Variants in CACNB4 observed in about 807,000 individuals in gnomAD.
CACNB4 encodes calcium voltage-gated channel auxiliary subunit beta 4.
Under a neutral mutation model 71.2 loss-of-function variants are expected in CACNB4, and 32 were observed. That is an observed-to-expected ratio of 0.45 (90% confidence interval 0.34 to 0.60). The LOEUF is 0.60. Ranked by LOEUF, CACNB4 falls within the 20% of genes least tolerant of loss-of-function variation. The pLI, the probability that CACNB4 is intolerant of heterozygous loss-of-function variation, is 0.01. For missense variants in CACNB4, 464 were observed against 647.9 expected (o/e 0.72, Z 3.08); for synonymous variants, 231 against 236.9 (o/e 0.97, Z 0.23).
chr2:152,098,194 A>C lies in CACNB4; in HGVS notation c.147+136T>G, dbSNP rs1579293672. Reference sequence around the variant, plus strand: ...AGAGGGAGAGGGACTGAGCCCGAGCACCGGCCGAGGCCGGGAAGAGACGCG... The same window carrying C: ...AGAGGGAGAGGGACTGAGCCCGAGCCCCGGCCGAGGCCGGGAAGAGACGCG... On this transcript the variant is annotated intron_variant, in intron 2 of 13. Transcript: ENST00000539935. The surrounding 1 kb of genome is among the most constrained non-coding windows in gnomAD (Gnocchi z 5.3). The C allele has an allele frequency of 3.1e-6, 2 of 650,344 alleles. No individual in the cohort carries two copies. The highest frequency in any genetic ancestry group is 2.7e-5 in the Admixed American group (1 of 36,742). The allele number at this position is 650,344 out of a possible 1,614,324, so 40.3% of individuals were successfully genotyped here.
At chr2:152,092,445 A>T (rs144122011) in intron 2 of CACNB4, among the ~76,000 whole-genome samples, 1 of 152,340 alleles carries the variant, frequency 6.6e-6, no homozygotes, top group East Asian at 1.9e-4. Context: ...AGATCTCTAA[A>T]TACAGTGTGG....
intron 2 of CACNB4, among the ~76,000 whole-genome samples, chr2:152,046,467 A>G (rs184422024): frequency 7.2e-5 from 11 of 152,358 alleles, no homozygotes; most frequent in African/African-American, 1.9e-4. Flanking sequence ...GCTGGTTTCA[A>G]CTTGACTGCT....
At chr2:151,953,494 T>C (rs1242492890) in intron 2 of CACNB4, among the ~76,000 whole-genome samples, 2 of 152,256 alleles carry the variant, frequency 1.3e-5, no homozygotes, top group Non-Finnish European at 2.9e-5. Flanking sequence ...GGACGAATCA[T>C]ATGACTTTTT....
chr2:151,888,006 T>G (rs988215535), intron 2 of CACNB4, among the ~76,000 whole-genome samples: 2 of 151,834 alleles, frequency 1.3e-5, no homozygotes, highest in African/African-American at 4.8e-5. Flanking sequence ...TCACACATTT[T>G]AAGTGACAAT....
chr2:152,066,402 A>G (rs948106812), intron 2 of CACNB4, among the ~76,000 whole-genome samples: 1 of 152,208 alleles, frequency 6.6e-6, no homozygotes, highest in Admixed American at 6.5e-5. Flanking sequence ...AATGCTCACT[A>G]TCACTGGCCA....
chr2:151,844,839 T>G (rs1476244901), intron 12 of CACNB4, among the ~76,000 whole-genome samples: 1 of 152,242 alleles, frequency 6.6e-6, no homozygotes, highest in Non-Finnish European at 1.5e-5. Flanking sequence ...TTATGTGACT[T>G]GGAGTTGGTT....
intron 2 of CACNB4, among the ~76,000 whole-genome samples, chr2:151,922,739 G>C (rs552454508): frequency 2.6e-5 from 4 of 152,188 alleles, no homozygotes; most frequent in African/African-American, 9.7e-5. Flanking sequence ...TATTTACCAA[G>C]ACAGTTGCAG....
chr2:151,908,083 A>G (rs1214922254), intron 2 of CACNB4, among the ~76,000 whole-genome samples: 1 of 152,174 alleles, frequency 6.6e-6, no homozygotes, highest in East Asian at 1.9e-4. Flanking sequence ...GACCGTGAGG[A>G]TGGTAAGAGT....
chr2:152,050,071 C>T (rs1384156802), intron 2 of CACNB4, among the ~76,000 whole-genome samples: 3 of 152,238 alleles, frequency 2.0e-5, no homozygotes, highest in African/African-American at 4.8e-5. Flanking sequence ...GCCAAGCTGG[C>T]ATTTGGCATG....
chr2:151,842,166 ATAATAGCATTTT>A, intron 12 of CACNB4, 78 bp from the exon 13 acceptor site: 1 of 1,209,254 alleles, frequency 8.3e-7, no homozygotes, highest in Non-Finnish European at 1.2e-6. Context: ...CTTAACACAG[ATAATAGCATTTT>A]TAATAGCTAT....
chr2:151,926,060 A>C (rs2099860167), intron 2 of CACNB4, among the ~76,000 whole-genome samples: 5 of 152,186 alleles, frequency 3.3e-5, no homozygotes, highest in African/African-American at 1.2e-4. Context: ...CAAAGTTATA[A>C]TTTTGGGAGG....
intron 2 of CACNB4, among the ~76,000 whole-genome samples, chr2:152,096,187 C>G (rs1688257007): frequency 6.6e-6 from 1 of 151,754 alleles, no homozygotes; most frequent in Non-Finnish European, 1.5e-5. Context: ...GTAAAGTGCT[C>G]ATAAAAATTA....
At chr2:151,930,203 T>C (rs1238356236) in intron 2 of CACNB4, among the ~76,000 whole-genome samples, 3 of 152,154 alleles carry the variant, frequency 2.0e-5, no homozygotes, top group Admixed American at 1.3e-4. Flanking sequence ...GTGTCATATA[T>C]GGGTGTTTGA....
chr2:151,891,101 A>G (rs2099850619), intron 2 of CACNB4, among the ~76,000 whole-genome samples: 1 of 152,190 alleles, frequency 6.6e-6, no homozygotes, highest in Admixed American at 6.5e-5. Context: ...TATTACAACT[A>G]TTTTACATAA....
chr2:151,978,343 AGTATG>A (rs1210771567), intron 2 of CACNB4, among the ~76,000 whole-genome samples: 1 of 152,154 alleles, frequency 6.6e-6, no homozygotes, highest in African/African-American at 2.4e-5. Context: ...TAAGGGAAGA[AGTATG>A]GAATCAGGGC....
At chr2:152,086,754 T>C (rs1687680714) in intron 2 of CACNB4, among the ~76,000 whole-genome samples, 1 of 152,314 alleles carries the variant, frequency 6.6e-6, no homozygotes, top group Non-Finnish European at 1.5e-5. Flanking sequence ...CATCCTATTA[T>C]AAAAACCACC....
intron 2 of CACNB4, among the ~76,000 whole-genome samples, chr2:151,993,454 T>C (rs1681834122): frequency 2.0e-5 from 3 of 151,802 alleles, no homozygotes; most frequent in African/African-American, 7.3e-5. Flanking sequence ...TGAGAATTCA[T>C]AGGCCAGATG....
chr2:151,876,430 C>T lies in CACNB4; in HGVS notation c.517G>A (p.Gly173Arg), dbSNP rs796052287. ...QQEQKRGRFH[G>R]GKSSGNSSSS... ...ATAGAAAAGATGGGAACGTACCCTC[C>T]GTGAAAACGTCCTCTTTTTTGTTCT... The change falls in exon 5 of 14, where the codon GGA becomes AGA. Residue 173 changes from glycine (G) to arginine (R), a missense_variant. Transcript: ENST00000539935. The T allele has an allele frequency of 3.8e-6, 6 of 1,594,284 alleles. No individual in the cohort carries two copies. The highest frequency in any genetic ancestry group is 2.6e-6 in the Non-Finnish European group (3 of 1,167,694).
intron 2 of CACNB4, among the ~76,000 whole-genome samples, chr2:152,076,592 T>A (rs542892378): frequency 6.6e-6 from 1 of 152,156 alleles, no homozygotes; most frequent in African/African-American, 2.4e-5. Flanking sequence ...CCTCAGCCCT[T>A]GAATCATCTC....
Sources: gnomAD v4.1 joint callset for allele counts (sites outside exome capture counted in the v4.1 genomes callset) on GRCh38, gnomAD v4.1.1 for gene constraint, Gnocchi (gnomAD v3.1) non-coding constraint, MANE v1.5 for transcripts, NCBI Gene and HGNC (gene_info 2026-07-23, HGNC 2026-07-21) for gene names.